Variants in SRSF1 observed in about 807,000 individuals in gnomAD.
SRSF1 encodes the protein serine/arginine-rich splicing factor 1.
Under a neutral mutation model 25.9 loss-of-function variants are expected in SRSF1, and 1 was observed. That is an observed-to-expected ratio of 0.04 (90% CI 0.01 to 0.18). The LOEUF is 0.18. Ranked by LOEUF, SRSF1 falls within the 10% of genes least tolerant of loss-of-function variation. The pLI is 1.00. For missense variants in SRSF1, 65 were observed against 350.5 expected (o/e 0.19, Z 6.50); for synonymous variants, 132 against 126.2 (o/e 1.05, Z -0.31).
downstream of SRSF1, among the ~76,000 whole-genome samples, chr17:58,000,399 T>C (rs1439507050): frequency 6.6e-6 from 1 of 152,222 alleles, no homozygotes; most frequent in East Asian, 1.9e-4. Context: ...ATAATCTCTT[T>C]ACTTCATGCC....
At chr17:57,991,476 CTCTT>C in the SRSF1 span, 1 of 152,164 alleles carries the variant, frequency 6.6e-6, no homozygotes, top group Non-Finnish European at 1.5e-5. Context: ...AATGGACCAA[CTCTT>C]TATGCAAAAA....
chr17:57,992,660 T>C, the SRSF1 span: 1 of 151,982 alleles, frequency 6.6e-6, no homozygotes, highest in Non-Finnish European at 1.5e-5. Context: ...ACCAGAAAAA[T>C]ACTGTTCATA....
chr17:57,999,613 T>A (rs2075378059), downstream of SRSF1, among the ~76,000 whole-genome samples: 1 of 152,214 alleles, frequency 6.6e-6, no homozygotes, highest in Non-Finnish European at 1.5e-5. Context: ...GGTAGTTAGC[T>A]GGTCTCTACT....
At position 58,005,759 on chromosome 17, in the gene SRSF1, T is replaced by C; in HGVS notation, c.552+42A>G. 5.0e-6 allele frequency: 8 copies of C among 1,614,164 alleles called. No homozygotes were observed. Among genetic ancestry groups the C allele is most frequent in the South Asian group, 4.4e-5 (4 of 91,062 alleles). ...TGAAATTCCACTGTTAAGACCACTG[T>C]ATCCAATTCTGGTCAAAGAAAAGAA... On this transcript the variant is annotated intron_variant, in intron 3 of 3. Coordinates refer to ENST00000258962, the MANE Select transcript of SRSF1 (RefSeq NM_006924.5). The surrounding 1 kb of genome is among the most constrained non-coding windows in gnomAD (Gnocchi z 5.2).
chr17:57,994,215 G>A, the SRSF1 span: 1 of 152,178 alleles, frequency 6.6e-6, no homozygotes, highest in Non-Finnish European at 1.5e-5. Context: ...TACTACTACA[G>A]TAATTTTTCC....
chr17:57,996,491 A>AAAAAAAAC (rs2075365556), downstream of SRSF1, among the ~76,000 whole-genome samples: 1 of 150,718 alleles, frequency 6.6e-6, no homozygotes, highest in Non-Finnish European at 1.5e-5. Flanking sequence ...CTTAAAAAAA[A>AAAAAAAAC]AAAAAAAAAA....
chr17:58,002,923 G>C lies in SRSF1; in HGVS notation c.*2483C>G, dbSNP rs1265770382. Among the ~76,000 whole-genome samples the C allele has an allele frequency of 6.6e-6, 1 of 152,144 alleles. No homozygotes were observed. Among genetic ancestry groups the C allele is most frequent in the Non-Finnish European group, 1.5e-5 (1 of 68,010 alleles). On this transcript the variant is annotated 3_prime_UTR_variant, in exon 4 of 4. Coordinates refer to ENST00000258962, the MANE Select transcript of SRSF1 (RefSeq NM_006924.5). ...AGCTACTTGGGAGACTGAGGCACGA[G>C]AATCACTCAAATCCAGGGGTGGAGG...
chr17:57,996,493 A>AAAAAAC (rs1455838186), downstream of SRSF1, among the ~76,000 whole-genome samples: 12 of 150,950 alleles, frequency 7.9e-5, 1 homozygote, highest in South Asian at 8.4e-4. Flanking sequence ...TAAAAAAAAA[A>AAAAAAC]AAAAAAAAAA....
In SRSF1 at chr17:58,004,713, G is replaced by A; in HGVS notation, c.*693C>T. ...CCTATTAAAACAAAAATGGGGGGAA[G>A]GGAGCAAAATAAGTTGCTACAAAAT... is the stretch of plus-strand genomic sequence containing the variant. On this transcript the variant is annotated 3_prime_UTR_variant, in exon 4 of 4. Transcript: ENST00000258962. The A allele has an allele frequency of 2.9e-6, 1 of 346,038 alleles. No homozygotes were observed. Among genetic ancestry groups the A allele is most frequent in the Admixed American group, 4.8e-5 (1 of 21,002 alleles). 21.4% of individuals were successfully genotyped at this position (346,038 alleles called of 1,614,324 possible). A position where few individuals can be genotyped will look rare whatever the true frequency, so the allele number is the denominator to read the frequency against.
chr17:57,989,120 A>G, the SRSF1 span: 1 of 398,212 alleles, frequency 2.5e-6, no homozygotes, highest in Non-Finnish European at 4.4e-6. Flanking sequence ...TTCTGGTTGG[A>G]CAGCGTCAGA....
chr17:57,989,746 G>A, the SRSF1 span: 150 of 398,662 alleles, frequency 3.8e-4, 5 homozygotes, highest in South Asian at 0.018. Flanking sequence ...GAGAAGTTCT[G>A]CAGTTTGGAT....
At chr17:57,995,325 T>C in the SRSF1 span, among the ~76,000 whole-genome samples, 2 of 152,234 alleles carry the variant, frequency 1.3e-5, no homozygotes, top group South Asian at 4.1e-4. Context: ...TTTCTATGAT[T>C]TTTTTGTGGG....
At chr17:57,992,059 GAAACACA>G in the SRSF1 span, 1 of 152,174 alleles carries the variant, frequency 6.6e-6, no homozygotes, top group Non-Finnish European at 1.5e-5. Flanking sequence ...TAAAGCCATG[GAAACACA>G]TTTATCACCT....
Position 58,006,538 on chromosome 17 carries a change from G to A in SRSF1, c.195-11C>T, listed in dbSNP as rs766279424. On this transcript the variant is annotated splice_polypyrimidine_tract_variant and intron_variant, in intron 1 of 3. Transcript: ENST00000258962. Reference sequence around the variant, plus strand: ...GCGTCTTCCGCGTCTCTGCGGGATCGCAGAAAGTAAAAGGGATGAGAAACA... The same window carrying A: ...GCGTCTTCCGCGTCTCTGCGGGATCACAGAAAGTAAAAGGGATGAGAAACA... 1 of 1,606,938 alleles carries A rather than the reference G, an allele frequency of 6.2e-7. No individual in the cohort carries two copies. The highest frequency in any genetic ancestry group is 8.5e-7 in the Non-Finnish European group (1 of 1,176,026).
At chr17:57,992,849 G>A in the SRSF1 span, 2 of 152,180 alleles carry the variant, frequency 1.3e-5, no homozygotes, top group East Asian at 3.8e-4. Flanking sequence ...GCAGTGAGAG[G>A]AACAGTGAAT....
intron 1 of SRSF1, 166 bp from the exon 2 acceptor site, chr17:58,006,693 A>G: frequency 3.2e-6 from 3 of 929,418 alleles, no homozygotes; most frequent in South Asian, 1.8e-5. Flanking sequence ...CCAGGCTCCC[A>G]ACCACTACAC....
Position 58,003,156 on chromosome 17 carries a change from T to G in SRSF1, c.*2250A>C, listed in dbSNP as rs1010026463. Among the ~76,000 whole-genome samples the G allele has an allele frequency of 6.6e-6, 1 of 152,172 alleles. No individual in the cohort carries two copies. The highest frequency in any genetic ancestry group is 1.5e-5 in the Non-Finnish European group (1 of 68,026). On this transcript the variant is annotated 3_prime_UTR_variant, in exon 4 of 4. Transcript: ENST00000258962. ...TCAACCAATTTTGCACAAAAGCCTA[T>G]GTTGTCTATGACCACCAGAAAATAA...
chr17:57,990,461 T>G, the SRSF1 span: 1 of 152,264 alleles, frequency 6.6e-6, no homozygotes, highest in Non-Finnish European at 1.5e-5. Flanking sequence ...AGAAGGAAAA[T>G]ACTCAGAAGT....
chr17:57,997,827 A>G (rs747009150), downstream of SRSF1, among the ~76,000 whole-genome samples: 12 of 152,150 alleles, frequency 7.9e-5, no homozygotes, highest in Non-Finnish European at 1.8e-4. Flanking sequence ...CTTGCTGCAA[A>G]TTTACTATTT....
Sources: allele counts gnomAD v4.1 joint callset (sites outside exome capture counted in the v4.1 genomes callset), GRCh38; gene constraint gnomAD v4.1.1; non-coding constraint Gnocchi (gnomAD v3.1); transcripts MANE v1.5; gene names NCBI Gene and HGNC (gene_info 2026-07-23, HGNC 2026-07-21).